Variants in FARP1 observed in about 807,000 individuals in gnomAD.
The protein encoded by FARP1 is FERM, ARH/RhoGEF and pleckstrin domain protein 1, also known as FERM, ARHGEF and pleckstrin domain-containing protein 1.
A neutral mutation model predicts 128.8 loss-of-function variants in FARP1; 52 were observed. That is an observed-to-expected ratio of 0.40 (90% CI 0.32 to 0.51). FARP1 has a LOEUF of 0.51. Ranked by LOEUF, FARP1 falls within the 20% of genes least tolerant of loss-of-function variation. FARP1 has a pLI of 0.45. For missense variants in FARP1, 1,333 were observed against 1,367.9 expected (o/e 0.97, Z 0.40); for synonymous variants, 580 against 551.8 (o/e 1.05, Z -0.72).
At chr13:98,268,375 A>G (rs935878145) in intron 2 of FARP1, among the ~76,000 whole-genome samples, 2 of 152,106 alleles carry the variant, frequency 1.3e-5, no homozygotes, top group African/African-American at 4.8e-5. Flanking sequence ...AGATAAGGCC[A>G]TGGGGTTGGG....
At chr13:98,189,646 ATATTTACT>A (rs1356977373) in intron 1 of FARP1, among the ~76,000 whole-genome samples, 2 of 152,250 alleles carry the variant, frequency 1.3e-5, no homozygotes, top group Non-Finnish European at 2.9e-5. Flanking sequence ...GAGAGGGAGA[ATATTTACT>A]TATTATTGCC....
intron 13 of FARP1, chr13:98,398,218 T>G (rs1890630313): frequency 6.6e-6 from 1 of 152,252 alleles, no homozygotes; most frequent in Non-Finnish European, 1.5e-5. Context: ...AGACTTTTTT[T>G]GTTTTGTTTT....
chr13:98,148,769 C>T (rs929145653), intron 1 of FARP1, among the ~76,000 whole-genome samples: 3 of 152,184 alleles, frequency 2.0e-5, no homozygotes, highest in Non-Finnish European at 4.4e-5. Context: ...GTGTTCTGGT[C>T]CCATTGCTGT....
intron 1 of FARP1, among the ~76,000 whole-genome samples, chr13:98,212,447 A>G (rs759998535): frequency 3.3e-5 from 5 of 152,212 alleles, no homozygotes; most frequent in Admixed American, 2.6e-4. Flanking sequence ...CAAGCCACGC[A>G]TGTGGAGACC....
At chr13:98,435,912 T>C (rs746596426) in intron 19 of FARP1, 44 of 670,224 alleles carry the variant, frequency 6.6e-5, no homozygotes, top group Non-Finnish European at 3.4e-5. Flanking sequence ...TCTGACCTCA[T>C]ATTCTGCTTT....
At chr13:98,392,322 C>CCA (rs1890337481) in intron 11 of FARP1, among the ~76,000 whole-genome samples, 2 of 88,312 alleles carry the variant, frequency 2.3e-5, no homozygotes, top group African/African-American at 1.2e-4. Context: ...TCATCTCTAC[C>CCA]CAAAAAAAAA....
intron 13 of FARP1, chr13:98,400,976 T>C (rs1281940052): frequency 6.6e-6 from 1 of 152,212 alleles, no homozygotes; most frequent in African/African-American, 2.4e-5. Flanking sequence ...ACGGTCATCA[T>C]CAAGGTCTGA....
At chr13:98,353,789 T>C (rs1252105253) in intron 3 of FARP1, among the ~76,000 whole-genome samples, 2 of 152,228 alleles carry the variant, frequency 1.3e-5, no homozygotes, top group Non-Finnish European at 2.9e-5. Flanking sequence ...AAGGGTTGTA[T>C]AGCATTTTAT....
chr13:98,176,268 G>A lies in FARP1; in HGVS notation c.-24+32776G>A. The A allele has an allele frequency of 5.0e-6, 8 of 1,611,082 alleles. No homozygotes were observed. Among genetic ancestry groups the A allele is most frequent in the Non-Finnish European group, 5.9e-6 (7 of 1,177,974 alleles). On this transcript the variant is annotated intron_variant, in intron 1 of 26. Coordinates refer to ENST00000319562, the MANE Select transcript of FARP1 (RefSeq NM_005766.4). The surrounding 1 kb of genome is among the most constrained non-coding windows in gnomAD (Gnocchi z 6.2). Reference sequence around the variant, plus strand: ...ACTCATGGGGGTCTTCTGTGAAATGGGACTTGCCCCCACCTTCTGCAGCCT... The same window carrying A: ...ACTCATGGGGGTCTTCTGTGAAATGAGACTTGCCCCCACCTTCTGCAGCCT...
At chr13:98,304,346 A>G (rs1038195608) in intron 2 of FARP1, among the ~76,000 whole-genome samples, 1 of 152,224 alleles carries the variant, frequency 6.6e-6, no homozygotes, top group Non-Finnish European at 1.5e-5. Flanking sequence ...TCTAAGAACT[A>G]GGTGGGAAGA....
At chr13:98,185,917 C>T (rs188250927) in intron 1 of FARP1, among the ~76,000 whole-genome samples, 5 of 152,084 alleles carry the variant, frequency 3.3e-5, no homozygotes, top group Admixed American at 3.3e-4. Flanking sequence ...AGGCTGGTCT[C>T]GAACTCCTGA....
chr13:98,222,707 C>T (rs148919129), intron 2 of FARP1, among the ~76,000 whole-genome samples: 2,688 of 151,854 alleles, frequency 0.018, 40 homozygotes, highest in Middle Eastern at 0.041. Context: ...CTGCAACCTC[C>T]GCCTCCCGGG....
rs759257250 is a variant in FARP1, at chr13:98,365,481, C to A, written c.319+44C>A. 9.9e-6 allele frequency: 14 copies of A among 1,411,522 alleles called. No individual in the cohort carries two copies. In the African/African-American group the frequency reaches 2.0e-4, roughly 20 times the overall value. 87.4% of individuals were successfully genotyped at this position (1,411,522 alleles called of 1,614,324 possible). On this transcript the variant is annotated intron_variant, in intron 4 of 26. Coordinates refer to ENST00000319562, the MANE Select transcript of FARP1 (RefSeq NM_005766.4). ...TTTAATAGTGATGTGAAATCTGAAG[C>A]CAGACAGTTTCATGTCTAGACATCT...
intron 1 of FARP1, among the ~76,000 whole-genome samples, chr13:98,205,892 C>T (rs1327957616): frequency 6.6e-6 from 1 of 152,110 alleles, no homozygotes; most frequent in African/African-American, 2.4e-5. Context: ...CCATAGCTTC[C>T]CTGAACTCTT....
At position 98,202,194 on chromosome 13, in the gene FARP1, G is replaced by A. The variant is rs112754296; in HGVS notation, c.-23-11026G>A. Among the ~76,000 whole-genome samples the A allele has an allele frequency of 7.9e-3, 1,201 of 152,264 alleles. 10 individuals carry two copies. The highest frequency in any genetic ancestry group is 0.014 in the Non-Finnish European group (948 of 68,022). ...CCAGCTCCTGGCGTGTGGCTCCCCC[G>A]GGACAGAGGCACAAGGTGGCTTTGT... On this transcript the variant is annotated intron_variant, in intron 1 of 26. Transcript: ENST00000319562.
intron 13 of FARP1, chr13:98,395,729 C>T (rs1249603009): frequency 9.3e-6 from 4 of 429,256 alleles, no homozygotes; most frequent in African/African-American, 6.0e-5. Context: ...TCCCGGCCTC[C>T]TTCCGGAGAA....
chr13:98,223,185 A>C (rs1187135652), intron 2 of FARP1, among the ~76,000 whole-genome samples: 5 of 152,248 alleles, frequency 3.3e-5, no homozygotes, highest in Non-Finnish European at 7.3e-5. Context: ...TGCAGTCATC[A>C]GTTTTACAGC....
chr13:98,214,907 T>A (rs1235775177), intron 2 of FARP1, among the ~76,000 whole-genome samples: 4 of 152,200 alleles, frequency 2.6e-5, no homozygotes, highest in Admixed American at 2.0e-4. Context: ...TTTGTCTTTG[T>A]TGCCAGACTG....
chr13:98,412,027 G>T lies in FARP1; in HGVS notation c.1819G>T (p.Ala607Ser). ...TCTCAAGGAAATTGAGCAACGACTTGCCCTGTGGTGAGTACATTTCTACTT... is the reference window on the plus strand; with the variant it reads ...TCTCAAGGAAATTGAGCAACGACTTTCCCTGTGGTGAGTACATTTCTACTT... Reference protein sequence around the residue: ...NFLKEIEQRLALWEGRSNAQI... With the variant: ...NFLKEIEQRLSLWEGRSNAQI... Residue 607 changes from alanine to serine, a missense_variant, in exon 16 of 27, where the codon GCC becomes TCC. Physicochemically the swap from Ala to Ser is moderately conservative, Grantham distance 99. Around this residue, in one of 2 missense-constraint regions of FARP1, gnomAD observed 1,009 missense variants for 969.8 expected, o/e 1.04. Transcript: ENST00000319562. 1 of 1,613,976 alleles carries T rather than the reference G, an allele frequency of 6.2e-7. No individual in the cohort carries two copies. The highest frequency in any genetic ancestry group is 8.5e-7 in the Non-Finnish European group (1 of 1,179,916).
Sources: allele counts gnomAD v4.1 joint callset (sites outside exome capture counted in the v4.1 genomes callset), GRCh38; gene constraint gnomAD v4.1.1; regional missense constraint gnomAD v4.1.1; non-coding constraint Gnocchi (gnomAD v3.1); transcripts MANE v1.5; gene names NCBI Gene and HGNC (gene_info 2026-07-23, HGNC 2026-07-21).